WASHC2A: variants seen among roughly 807,000 people sequenced by gnomAD.
WASHC2A encodes WASH complex subunit FAM21A.
WASHC2A carries 82 observed loss-of-function variants against 140.3 expected under a neutral mutation model. The ratio of observed to expected loss-of-function variants is 0.58; its 90% CI spans 0.49 to 0.70. The LOEUF is 0.70. Ranked by LOEUF, WASHC2A falls within the 30% of genes least tolerant of loss-of-function variation. The pLI is 0.00. For synonymous variants in WASHC2A, 340 were observed against 560.8 expected (o/e 0.61, Z 5.56); for missense variants, 985 against 1,521.8 (o/e 0.65, Z 5.87).
intron 3 of WASHC2A, among the ~76,000 whole-genome samples, chr10:50,072,035 T>C (rs1173462309): frequency 3.1e-5 from 4 of 130,532 alleles, no homozygotes; most frequent in Admixed American, 7.9e-5. Flanking sequence ...ACACCTCCCA[T>C]GTAGTTGGGA....
intron 20 of WASHC2A, among the ~76,000 whole-genome samples, chr10:50,111,494 G>T (rs1158174032): frequency 6.6e-6 from 1 of 152,002 alleles, no homozygotes; most frequent in Non-Finnish European, 1.5e-5. Context: ...TTCCTCATTT[G>T]TTAAACAAAA....
intron 16 of WASHC2A, 26 bp downstream of exon 16, chr10:50,097,828 A>G (rs1840635918): frequency 2.0e-5 from 33 of 1,611,478 alleles, no homozygotes; most frequent in Admixed American, 5.0e-5. Context: ...GACTTAACGC[A>G]GGAGCATTGA....
intron 5 of WASHC2A, among the ~76,000 whole-genome samples, chr10:50,083,364 C>T (rs1254744174): frequency 8.8e-6 from 1 of 114,224 alleles, no homozygotes; most frequent in Non-Finnish European, 1.8e-5. Context: ...TTTTAGGGGA[C>T]AGCTCACCAG....
At chr10:50,121,925 A>T (rs1238104044) in intron 23 of WASHC2A, among the ~76,000 whole-genome samples, 1 of 139,506 alleles carries the variant, frequency 7.2e-6, no homozygotes, top group African/African-American at 2.8e-5. Context: ...TAAGGTGGCA[A>T]TACTTCCTTC....
At chr10:50,126,534 T>G in intron 26 of WASHC2A, 1 of 257,492 alleles carries the variant, frequency 3.9e-6, no homozygotes, top group Non-Finnish European at 7.5e-6. Context: ...AAATTACATC[T>G]GATTTCCTGC....
At position 50,084,183 on chromosome 10, in the gene WASHC2A, A is replaced by G; in HGVS notation, c.622+18A>G. The G allele has an allele frequency of 1.9e-6, 3 of 1,611,052 alleles. No homozygotes were observed. Among genetic ancestry groups the G allele is most frequent in the African/African-American group, 1.3e-5 (1 of 74,900 alleles). On this transcript the variant is annotated intron_variant, in intron 6 of 30. Transcript: ENST00000282633. ...CAGTGAAGGTACTTTTCTTCACCAAATAATTTTGTTCCTTAACATTTCTTT... is the reference window on the plus strand; with the variant it reads ...CAGTGAAGGTACTTTTCTTCACCAAGTAATTTTGTTCCTTAACATTTCTTT...
chr10:50,100,658 A>G (rs1841037006), intron 17 of WASHC2A, among the ~76,000 whole-genome samples: 1 of 152,090 alleles, frequency 6.6e-6, no homozygotes, highest in African/African-American at 2.4e-5. Context: ...TGTGATGAGG[A>G]GCTTGCACCA....
At chr10:50,113,606 C>T (rs1277425594) in intron 20 of WASHC2A, among the ~76,000 whole-genome samples, 1 of 149,908 alleles carries the variant, frequency 6.7e-6, no homozygotes, top group Non-Finnish European at 1.5e-5. Flanking sequence ...AAGGCTCAGG[C>T]ATCGTGTGCC....
chr10:50,106,525 C>T (rs1312618812), intron 19 of WASHC2A, 60 bp downstream of exon 19: 18 of 1,602,030 alleles, frequency 1.1e-5, no homozygotes, highest in Admixed American at 3.5e-5. Context: ...AGAGTTAAAG[C>T]CATCCCAAGT....
chr10:50,099,033 G>A (rs1840786557), intron 16 of WASHC2A, among the ~76,000 whole-genome samples: 1 of 152,012 alleles, frequency 6.6e-6, no homozygotes, highest in African/African-American at 2.4e-5. Flanking sequence ...GTGAATACCT[G>A]TTCTCTCCCA....
chr10:50,129,330 C>T (rs78847973), intron 28 of WASHC2A, 89 bp from the exon 29 acceptor site: 543,036 of 1,606,848 alleles, frequency 0.34, 95,487 homozygotes, highest in Admixed American at 0.45. Flanking sequence ...GATAACCTTA[C>T]AATATTTTGA....
At position 50,095,585 on chromosome 10, in the gene WASHC2A, C is replaced by G. The variant is rs1294697646; in HGVS notation, c.1241-14C>G. The G allele has an allele frequency of 3.7e-6, 6 of 1,611,814 alleles. No homozygotes were observed. Among genetic ancestry groups the G allele is most frequent in the East Asian group, 4.5e-5 (2 of 44,894 alleles). The stretch of plus-strand genomic sequence containing the variant: ...TGGCTCACAGCTGTGGCTGTCTTGT[C>G]TTTCCACCCACAGGAGACACGGATG... On this transcript the variant is annotated splice_polypyrimidine_tract_variant and intron_variant, in intron 14 of 30. Coordinates refer to ENST00000282633, the MANE Select transcript of WASHC2A (RefSeq NM_001005751.3).
At chr10:50,127,940 C>T (rs1843584985) in intron 28 of WASHC2A, 145 bp downstream of exon 28, 1 of 1,548,190 alleles carries the variant, frequency 6.5e-7, no homozygotes, top group Admixed American at 1.9e-5. Flanking sequence ...CCACTCCCCA[C>T]TCCATTCTCC....
intron 20 of WASHC2A, among the ~76,000 whole-genome samples, chr10:50,111,793 G>T (rs1444180235): frequency 3.9e-5 from 6 of 152,290 alleles, no homozygotes; most frequent in African/African-American, 1.4e-4. Context: ...ACTTGGGGAG[G>T]CCGAGGCAGG....
At chr10:50,109,801 G>C (rs1241607515) in intron 19 of WASHC2A, among the ~76,000 whole-genome samples, 1 of 151,770 alleles carries the variant, frequency 6.6e-6, no homozygotes. Flanking sequence ...ACAGAGTCTC[G>C]CTCTGTCCCC....
chr10:50,115,595 T>A (rs1234913343), intron 21 of WASHC2A, among the ~76,000 whole-genome samples: 2 of 136,750 alleles, frequency 1.5e-5, no homozygotes, highest in Non-Finnish European at 3.2e-5. Context: ...GGGTCGCAGT[T>A]GCAGGGTCAG....
At chr10:50,124,374 G>C (rs1239777186) in intron 23 of WASHC2A, among the ~76,000 whole-genome samples, 13 of 151,966 alleles carry the variant, frequency 8.6e-5, no homozygotes, top group Admixed American at 7.2e-4. Flanking sequence ...AAAGTGCTGG[G>C]ATTACAGGCA....
At chr10:50,084,259 A>C in intron 6 of WASHC2A, 94 bp downstream of exon 6, 1 of 1,308,546 alleles carries the variant, frequency 7.6e-7, no homozygotes, top group Non-Finnish European at 1.1e-6. Context: ...AGAATAGTTC[A>C]AAGAACTCTC....
intron 7 of WASHC2A, among the ~76,000 whole-genome samples, chr10:50,086,384 C>G (rs1292826022): frequency 4.0e-5 from 6 of 151,724 alleles, no homozygotes; most frequent in African/African-American, 1.5e-4. Flanking sequence ...GGCACTTCAT[C>G]AATAGTTGCT....
Sources: allele counts gnomAD v4.1 joint callset (sites outside exome capture counted in the v4.1 genomes callset), GRCh38; gene constraint gnomAD v4.1.1; transcripts MANE v1.5; gene names NCBI Gene and HGNC (gene_info 2026-07-23, HGNC 2026-07-21).